The following MARCHF1 variants were observed in gnomAD, a reference collection of about 807,000 sequenced individuals.
The protein encoded by MARCHF1 is membrane associated ring-CH-type finger 1, also known as E3 ubiquitin-protein ligase MARCHF1.
A neutral mutation model predicts 54.2 loss-of-function variants in MARCHF1; 40 were observed. The observed-to-expected ratio is 0.74, with a 90% CI of 0.57 to 0.96. MARCHF1 has a LOEUF of 0.96. Ranked by LOEUF, MARCHF1 falls within the 40% of genes least tolerant of loss-of-function variation. The probability of loss-of-function intolerance (pLI) is 0.00; values close to 1 mark genes in which losing one functional copy is unlikely to be tolerated. For missense variants in MARCHF1, 586 were observed against 656.5 expected, an observed-to-expected ratio of 0.89 and a Z score of 1.17; for synonymous variants, 236 against 236.3, an observed-to-expected ratio of 1.00 and a Z score of 0.01.
intron 2 of MARCHF1, among the ~76,000 whole-genome samples, chr4:164,083,797 A>T (rs1360690143): frequency 6.6e-6 from 1 of 152,008 alleles, no homozygotes; most frequent in Non-Finnish European, 1.5e-5. Context: ...AGAAGAATAA[A>T]CCTAAATTGA....
intron 3 of MARCHF1, among the ~76,000 whole-genome samples, chr4:163,908,724 G>A (rs1367512973): frequency 1.3e-5 from 2 of 152,066 alleles, no homozygotes; most frequent in African/African-American, 4.8e-5. Flanking sequence ...ACTAATGGTG[G>A]CCCCAGGAGT....
chr4:164,380,277 T>C (rs922259159), intron 1 of MARCHF1, among the ~76,000 whole-genome samples: 5 of 151,038 alleles, frequency 3.3e-5, no homozygotes, highest in African/African-American at 1.2e-4. Context: ...TGAAACTAAT[T>C]AGAAATTTAA....
chr4:164,047,360 G>A lies in MARCHF1; in HGVS notation c.-247-58651C>T, dbSNP rs74894367. On this transcript the variant is annotated intron_variant, in intron 2 of 9. Transcript: ENST00000514618. The stretch of plus-strand genomic sequence containing the variant: ...GGAGGGGACTTTCCTCCAGGCCTCA[G>A]ATAAGAGCCCAGACCAGCCAACATC... Among the ~76,000 whole-genome samples, 554 of 152,262 alleles carry A rather than the reference G, an allele frequency of 3.6e-3. 6 individuals carry two copies. The highest frequency in any genetic ancestry group is 0.012 in the African/African-American group (507 of 41,542).
intron 1 of MARCHF1, among the ~76,000 whole-genome samples, chr4:164,303,753 C>CACT (rs34353376): frequency 1.3e-5 from 2 of 151,798 alleles, no homozygotes; most frequent in Non-Finnish European, 2.9e-5. Context: ...ATCGCCTCCC[C>CACT]AACACATACA....
chr4:164,186,334 T>C (rs1488317870), intron 1 of MARCHF1, among the ~76,000 whole-genome samples: 1 of 152,214 alleles, frequency 6.6e-6, no homozygotes, highest in African/African-American at 2.4e-5. Context: ...AATGGCTCTC[T>C]TTTTTAAAAA....
In MARCHF1 at chr4:163,952,347, A is replaced by T. The variant is rs144125461; in HGVS notation, c.-39+36154T>A. Reference sequence around the variant, plus strand: ...GGTAGACTTCTCTCATATTTTTATAAAATTTACTCTACACGCTAGTGCAAA... The same window carrying T: ...GGTAGACTTCTCTCATATTTTTATATAATTTACTCTACACGCTAGTGCAAA... On this transcript the variant is annotated intron_variant, in intron 3 of 9. Coordinates refer to ENST00000514618, the MANE Select transcript of MARCHF1 (RefSeq NM_001394959.1). Among the ~76,000 whole-genome samples the T allele has an allele frequency of 9.5e-3, 1,452 of 152,224 alleles. 23 individuals are homozygous for T. Among genetic ancestry groups the T allele is most frequent in the African/African-American group, 0.032 (1,338 of 41,536 alleles).
intron 3 of MARCHF1, among the ~76,000 whole-genome samples, chr4:163,914,797 A>G (rs1751270349): frequency 1.3e-5 from 2 of 152,170 alleles, no homozygotes. Flanking sequence ...AGCTTCTGTC[A>G]TATTTTTCCC....
intron 4 of MARCHF1, among the ~76,000 whole-genome samples, chr4:163,709,584 T>A (rs1303180258): frequency 6.6e-6 from 1 of 152,188 alleles, no homozygotes; most frequent in East Asian, 1.9e-4. Context: ...TGTATGTGTA[T>A]GTAATCAAAA....
At chr4:163,783,256 A>C (rs928903241) in intron 4 of MARCHF1, among the ~76,000 whole-genome samples, 1 of 152,240 alleles carries the variant, frequency 6.6e-6, no homozygotes, top group Non-Finnish European at 1.5e-5. Context: ...AAATATCACA[A>C]AGCCTAGGAA....
chr4:164,017,286 T>A (rs1753563218), intron 2 of MARCHF1, among the ~76,000 whole-genome samples: 1 of 152,068 alleles, frequency 6.6e-6, no homozygotes, highest in Admixed American at 6.6e-5. Flanking sequence ...TATTTCTAGT[T>A]AATATTGAAT....
Position 164,111,204 on chromosome 4 carries a change from C to A in MARCHF1, c.-248+384G>T, listed in dbSNP as rs549883860. Among the ~76,000 whole-genome samples, 4 of 151,742 alleles carry A rather than the reference C, an allele frequency of 2.6e-5. No homozygotes were observed. In the East Asian group the frequency reaches 7.7e-4, roughly 29 times the overall value. ...CTAAAGATGGTCCATATTTAGCTAC[C>A]TTCATAAAGCCAGTTTCCACAGGTA... On this transcript the variant is annotated intron_variant, in intron 2 of 9. Coordinates refer to ENST00000514618, the MANE Select transcript of MARCHF1 (RefSeq NM_001394959.1).
chr4:164,147,343 A>G (rs1729779770), intron 1 of MARCHF1, among the ~76,000 whole-genome samples: 1 of 148,598 alleles, frequency 6.7e-6, no homozygotes, highest in African/African-American at 2.6e-5. Flanking sequence ...AAAGGACTAT[A>G]AATCATGCTG....
chr4:163,897,317 A>G lies in MARCHF1; in HGVS notation c.-38-43148T>C, dbSNP rs115580114. On this transcript the variant is annotated intron_variant, in intron 3 of 9. Transcript: ENST00000514618. ...CATCTTTTTCTGTGGCTTGCCTAACATATTCTCACCCCTATCTCTGTCTAA... is the reference window on the plus strand; with the variant it reads ...CATCTTTTTCTGTGGCTTGCCTAACGTATTCTCACCCCTATCTCTGTCTAA... Among the ~76,000 whole-genome samples the G allele has an allele frequency of 8.9e-3, 1,356 of 152,300 alleles. 7 individuals carry two copies. Among genetic ancestry groups the G allele is most frequent in the Non-Finnish European group, 0.014 (924 of 68,026 alleles).
intron 9 of MARCHF1, among the ~76,000 whole-genome samples, chr4:163,544,521 C>T (rs538784257): frequency 1.4e-4 from 22 of 152,172 alleles, no homozygotes; most frequent in Admixed American, 7.2e-4. Flanking sequence ...CCTTTATCCC[C>T]GCAGCCCCTT....
intron 5 of MARCHF1, among the ~76,000 whole-genome samples, chr4:163,662,974 T>C (rs1000824800): frequency 2.2e-5 from 2 of 89,886 alleles, no homozygotes; most frequent in Non-Finnish European, 4.6e-5. Context: ...GGGTTATTAT[T>C]GGCCTGGAAA....
At chr4:163,999,027 C>T (rs1036819420) in intron 2 of MARCHF1, among the ~76,000 whole-genome samples, 45 of 151,694 alleles carry the variant, frequency 3.0e-4, no homozygotes, top group African/African-American at 9.9e-4. Context: ...ACCATCCATT[C>T]TGTTTTTCCT....
At chr4:164,345,978 A>T (rs996203172) in intron 1 of MARCHF1, among the ~76,000 whole-genome samples, 3 of 152,210 alleles carry the variant, frequency 2.0e-5, no homozygotes, top group African/African-American at 7.2e-5. Flanking sequence ...TTGAATAAAT[A>T]AACAAGATCA....
intron 3 of MARCHF1, among the ~76,000 whole-genome samples, chr4:163,935,018 T>C (rs1205507768): frequency 6.6e-6 from 1 of 152,178 alleles, no homozygotes; most frequent in Admixed American, 6.5e-5. Flanking sequence ...AAATAATACC[T>C]GAAAGTTGAA....
At chr4:164,342,612 G>A (rs1308585016) in intron 1 of MARCHF1, among the ~76,000 whole-genome samples, 1 of 151,474 alleles carries the variant, frequency 6.6e-6, no homozygotes, top group Non-Finnish European at 1.5e-5. Flanking sequence ...TCTACTTCTG[G>A]GTATATATCT....
Sources: gnomAD v4.1 joint callset for allele counts (sites outside exome capture counted in the v4.1 genomes callset) on GRCh38, gnomAD v4.1.1 for gene constraint, MANE v1.5 for transcripts, NCBI Gene and HGNC (gene_info 2026-07-23, HGNC 2026-07-21) for gene names.